The following ERICH1 variants were observed in gnomAD, a reference collection of about 807,000 sequenced individuals.
ERICH1 encodes the protein glutamate-rich protein 1.
Under a neutral mutation model 39.6 loss-of-function variants are expected in ERICH1, and 56 were observed. The observed-to-expected ratio is 1.41, with a 90% CI of 1.14 to 1.77. ERICH1 has a LOEUF of 1.77. Ranked by LOEUF, ERICH1 falls within the 40% of genes most tolerant of loss-of-function variation. The pLI is 0.00. For missense variants in ERICH1, 826 were observed against 575.4 expected (o/e 1.44, Z -4.45); for synonymous variants, 313 against 223.6 (o/e 1.40, Z -3.57).
chr8:664,304 T>C lies in ERICH1; in HGVS notation c.*299A>G, dbSNP rs937552275. 9 of 1,055,158 alleles carry C rather than the reference T, an allele frequency of 8.5e-6. No individual in the cohort carries two copies. The highest frequency in any genetic ancestry group is 1.0e-4 in the Admixed American group (2 of 19,628). The allele number at this position is 1,055,158 out of a possible 1,614,324, so 65.4% of individuals were successfully genotyped here. ...ATAAAAATATATGAGCTTCAAACTATACATTTAACTTAACAGAATGTCCAT... is the reference window on the plus strand; with the variant it reads ...ATAAAAATATATGAGCTTCAAACTACACATTTAACTTAACAGAATGTCCAT... On this transcript the variant is annotated 3_prime_UTR_variant, in exon 6 of 6. Transcript: ENST00000262109.
chr8:693,729 C>G (rs931384390), intron 2 of ERICH1, among the ~76,000 whole-genome samples: 1 of 151,370 alleles, frequency 6.6e-6, no homozygotes, highest in African/African-American at 2.4e-5. Context: ...GCTGGAACCT[C>G]CCTGCTGTGT....
intron 3 of ERICH1, among the ~76,000 whole-genome samples, chr8:617,609 C>T (rs1797006260): frequency 6.6e-6 from 1 of 150,940 alleles, no homozygotes; most frequent in Admixed American, 6.6e-5. Context: ...CATCTGTTCT[C>T]ACTGCCCTCT....
chr8:674,937 T>G (rs544781391), intron 3 of ERICH1, among the ~76,000 whole-genome samples: 1 of 152,302 alleles, frequency 6.6e-6, no homozygotes, highest in African/African-American at 2.4e-5. Context: ...GTGTAAATAT[T>G]TCCCCCGTGG....
At chr8:708,689 T>TTTG (rs1554526241) in intron 2 of ERICH1, among the ~76,000 whole-genome samples, 11 of 36,350 alleles carry the variant, frequency 3.0e-4, no homozygotes, top group East Asian at 9.1e-4. Context: ...GAGTTTTTTT[T>TTTG]TTTTTTTTTT....
intron 1 of ERICH1, among the ~76,000 whole-genome samples, chr8:728,825 A>G (rs1406782951): frequency 6.6e-6 from 1 of 152,188 alleles, no homozygotes; most frequent in Non-Finnish European, 1.5e-5. Context: ...AAGGCAATAC[A>G]TTCTTCTCAT....
intron 5 of ERICH1, chr8:666,272 C>T (rs1270863854): frequency 1.3e-5 from 2 of 152,144 alleles, no homozygotes; most frequent in Non-Finnish European, 2.9e-5. Context: ...GTGTGAGAAA[C>T]AGAGCAAAAA....
chr8:721,626 G>A (rs375756248), intron 1 of ERICH1, among the ~76,000 whole-genome samples: 9 of 152,220 alleles, frequency 5.9e-5, no homozygotes, highest in African/African-American at 1.2e-4. Flanking sequence ...TCTTGGAACC[G>A]TCAGAGGAAT....
intron 3 of ERICH1, among the ~76,000 whole-genome samples, chr8:657,733 T>C (rs1377098871): frequency 2.0e-5 from 3 of 151,942 alleles, no homozygotes; most frequent in Admixed American, 2.0e-4. Flanking sequence ...ATTAGAATGA[T>C]ATAAATGTCA....
intron 3 of ERICH1, chr8:656,940 AATG>A: frequency 1.3e-6 from 1 of 759,442 alleles, no homozygotes; most frequent in Non-Finnish European, 1.6e-6. Flanking sequence ...TAACCTAAAT[AATG>A]CATTTTAGTG....
intron 4 of ERICH1, among the ~76,000 whole-genome samples, chr8:669,554 C>T (rs867176483): frequency 4.6e-5 from 6 of 131,338 alleles, no homozygotes; most frequent in African/African-American, 1.2e-4. Context: ...TCTGGTGGGA[C>T]GCCTCCCCTG....
chr8:617,379 G>A (rs574758714), intron 3 of ERICH1, among the ~76,000 whole-genome samples: 33 of 152,242 alleles, frequency 2.2e-4, no homozygotes, highest in African/African-American at 7.0e-4. Context: ...CTGCCTCACC[G>A]TTCTCAGCAC....
chr8:636,584 C>G lies in ERICH1; in HGVS notation c.977-21300G>C, dbSNP rs533792343. Among the ~76,000 whole-genome samples, 40 of 152,368 alleles carry G rather than the reference C, an allele frequency of 2.6e-4. No homozygotes were observed. In the South Asian group the frequency reaches 8.3e-3, roughly 32 times the overall value. ...TGAGCACAAGCCCTCCACTTACCCT[C>G]AGCCCTGTCCACCAAACCCTCAGCA... On this transcript the variant is annotated intron_variant, in intron 3 of 3. Coordinates refer to the ERICH1 transcript ENST00000522706.
At chr8:673,009 T>C (rs1247623688) in intron 4 of ERICH1, among the ~76,000 whole-genome samples, 1 of 152,260 alleles carries the variant, frequency 6.6e-6, no homozygotes, top group Non-Finnish European at 1.5e-5. Flanking sequence ...CAGCCTGTCC[T>C]TGGCACAGCT....
chr8:674,143 T>C, intron 3 of ERICH1, 96 bp from the exon 4 acceptor site: 3 of 1,389,236 alleles, frequency 2.2e-6, no homozygotes, highest in Admixed American at 5.2e-5. Context: ...CTTGTAGTTT[T>C]AGTAGAAAAA....
intron 2 of ERICH1, among the ~76,000 whole-genome samples, chr8:707,545 G>A (rs1813592616): frequency 6.6e-6 from 1 of 152,088 alleles, no homozygotes; most frequent in Non-Finnish European, 1.5e-5. Flanking sequence ...CCACTTGATG[G>A]GGAAATGATG....
chr8:716,086 C>G (rs1354540157), intron 1 of ERICH1, 79 bp from the exon 2 acceptor site: 1 of 1,497,410 alleles, frequency 6.7e-7, no homozygotes, highest in Admixed American at 2.3e-5. Context: ...GTGACTTTTA[C>G]TCTACACAAA....
intron 3 of ERICH1, among the ~76,000 whole-genome samples, chr8:624,390 C>T (rs904797459): frequency 3.9e-5 from 6 of 152,224 alleles, no homozygotes; most frequent in South Asian, 2.1e-4. Context: ...AGTCACCACA[C>T]GAACCTGCAG....
intron 2 of ERICH1, among the ~76,000 whole-genome samples, chr8:709,586 C>T (rs928855693): frequency 6.6e-6 from 1 of 152,192 alleles, no homozygotes; most frequent in Non-Finnish European, 1.5e-5. Context: ...TCAACATCTT[C>T]ATATTAAAGA....
intron 4 of ERICH1, among the ~76,000 whole-genome samples, chr8:671,311 C>T (rs1156339753): frequency 1.3e-5 from 2 of 150,214 alleles, no homozygotes; most frequent in Non-Finnish European, 2.9e-5. Flanking sequence ...CTGAACCTGC[C>T]GGCCCCGGCT....
Sources: gnomAD v4.1 joint callset for allele counts (sites outside exome capture counted in the v4.1 genomes callset) on GRCh38, gnomAD v4.1.1 for gene constraint, MANE v1.5 for transcripts, NCBI Gene and HGNC (gene_info 2026-07-23, HGNC 2026-07-21) for gene names.